The following RAPH1 variants were observed in gnomAD, a reference collection of about 807,000 sequenced individuals.
The protein encoded by RAPH1 is ras-associated and pleckstrin homology domains-containing protein 1.
In RAPH1, 18 loss-of-function variants were observed where a neutral mutation model predicts 88.1. The observed-to-expected ratio is 0.20, with a 90% CI of 0.14 to 0.30. The LOEUF is 0.30. Ranked by LOEUF, RAPH1 falls within the 10% of genes least tolerant of loss-of-function variation. The pLI, the probability that RAPH1 is intolerant of heterozygous loss-of-function variation, is 1.00. For synonymous variants in RAPH1, 587 were observed against 559.0 expected (o/e 1.05, Z -0.71); for missense variants, 1,448 against 1,543.2 (o/e 0.94, Z 1.03).
At chr2:203,510,266 G>T (rs1247862983) in intron 1 of RAPH1, among the ~76,000 whole-genome samples, 1 of 144,154 alleles carries the variant, frequency 6.9e-6, no homozygotes. Flanking sequence ...AACCTGGGAG[G>T]CAGAGGTTGC....
rs751920585 is a variant in RAPH1 at position 203,461,374 on chromosome 2, G to C, written c.845C>G (p.Ser282Cys). Residue 282 changes from serine to cysteine, a missense_variant, in exon 6 of 14, where the codon TCT becomes TGT. Transcript: ENST00000319170. Reference protein sequence around the residue: ...VIRVHMSDDSSKTMMVDERQT... With the variant: ...VIRVHMSDDSCKTMMVDERQT... ...CCTCTCATCCACCATCATTGTTTTAGAACTGTCATCAGACATGTGGACTCT... is the reference window on the plus strand; with the variant it reads ...CCTCTCATCCACCATCATTGTTTTACAACTGTCATCAGACATGTGGACTCT... 3 of 1,609,212 alleles carry C rather than the reference G, an allele frequency of 1.9e-6. No individual in the cohort carries two copies. In the South Asian group the frequency reaches 3.3e-5, roughly 18 times the overall value.
intron 7 of RAPH1, among the ~76,000 whole-genome samples, chr2:203,458,871 T>C (rs1465523943): frequency 6.6e-6 from 1 of 152,000 alleles, no homozygotes; most frequent in African/African-American, 2.4e-5. Context: ...CACACCATTC[T>C]CCTGCCTCAG....
chr2:203,494,891 A>G (rs916287518), intron 2 of RAPH1, among the ~76,000 whole-genome samples: 1 of 152,058 alleles, frequency 6.6e-6, no homozygotes, highest in Non-Finnish European at 1.5e-5. Flanking sequence ...AATGTATTCA[A>G]ATTTACTAAG....
chr2:203,462,468 CATT>C (rs1281701816), intron 4 of RAPH1, among the ~76,000 whole-genome samples: 9 of 152,304 alleles, frequency 5.9e-5, no homozygotes, highest in African/African-American at 1.4e-4. Context: ...GGTACAATCT[CATT>C]AGTATACCAA....
chr2:203,493,667 T>C (rs1310956167), intron 2 of RAPH1, among the ~76,000 whole-genome samples: 2 of 152,110 alleles, frequency 1.3e-5, no homozygotes, highest in Non-Finnish European at 2.9e-5. Context: ...GAAATCCTAG[T>C]AGGAGTTGAA....
At chr2:203,483,694 G>T (rs917813813) in intron 4 of RAPH1, among the ~76,000 whole-genome samples, 6 of 152,184 alleles carry the variant, frequency 3.9e-5, no homozygotes, top group Non-Finnish European at 7.4e-5. Flanking sequence ...GAGTGGGGAA[G>T]ATCCATCCTC....
chr2:203,441,632 C>T (rs2098504279), intron 13 of RAPH1: 10 of 1,343,122 alleles, frequency 7.4e-6, no homozygotes, highest in Middle Eastern at 2.7e-4. Flanking sequence ...TTTTACCCCA[C>T]AGTAAAATAG....
At chr2:203,462,698 C>G (rs2098525107) in intron 4 of RAPH1, among the ~76,000 whole-genome samples, 1 of 152,068 alleles carries the variant, frequency 6.6e-6, no homozygotes, top group Admixed American at 6.5e-5. Context: ...AAAATTATAA[C>G]TAAAAATATA....
intron 1 of RAPH1, among the ~76,000 whole-genome samples, chr2:203,522,285 C>T (rs1689911958): frequency 6.6e-6 from 1 of 152,086 alleles, no homozygotes; most frequent in East Asian, 1.9e-4. Context: ...TACCAAATCT[C>T]GATTTATATC....
At chr2:203,476,594 G>C (rs1007230642) in intron 4 of RAPH1, among the ~76,000 whole-genome samples, 9 of 152,124 alleles carry the variant, frequency 5.9e-5, no homozygotes, top group African/African-American at 1.7e-4. Flanking sequence ...CGTGGCTAGT[G>C]GCTACCGTAT....
Position 203,434,249 on chromosome 2 carries a change from T to C in RAPH1, c.*5188A>G, listed in dbSNP as rs1380634991. 2.0e-5 allele frequency: 3 copies of C among 152,574 alleles called. No individual in the cohort carries two copies. Among genetic ancestry groups the C allele is most frequent in the African/African-American group, 7.2e-5 (3 of 41,424 alleles). 9.5% of individuals were successfully genotyped at this position (152,574 alleles called of 1,614,324 possible). A position where few individuals can be genotyped will look rare whatever the true frequency, so the allele number is the denominator to read the frequency against. On this transcript the variant is annotated 3_prime_UTR_variant, in exon 14 of 14. Transcript: ENST00000319170. Reference sequence around the variant, plus strand: ...ACCTGGTACATTATAATGAAGTTCCTTGTCTTCTTCATGCTTTAAAAAAGT... The same window carrying C: ...ACCTGGTACATTATAATGAAGTTCCCTGTCTTCTTCATGCTTTAAAAAAGT...
At chr2:203,471,747 G>A (rs974704102) in intron 4 of RAPH1, among the ~76,000 whole-genome samples, 4 of 151,600 alleles carry the variant, frequency 2.6e-5, no homozygotes, top group Non-Finnish European at 5.9e-5. Context: ...TTTATTGTCT[G>A]CATTTTTAAA....
intron 1 of RAPH1, among the ~76,000 whole-genome samples, chr2:203,502,333 T>C (rs1209387064): frequency 6.6e-6 from 1 of 152,224 alleles, no homozygotes; most frequent in African/African-American, 2.4e-5. Flanking sequence ...TACACCCTTA[T>C]GCCATCTCTT....
At position 203,489,987 on chromosome 2, in the gene RAPH1, C is replaced by G. The variant is rs767619139; in HGVS notation, c.329G>C (p.Arg110Pro). 6 of 1,614,066 alleles carry G rather than the reference C, an allele frequency of 3.7e-6. No homozygotes were observed. In the African/African-American group the frequency reaches 5.3e-5, roughly 14 times the overall value. ...LSSIGSGNSKRQITETKATQK... is the reference protein window; with the variant it reads ...LSSIGSGNSKPQITETKATQK... ...AGTAGCTTTCGTTTCTGTGATTTGA[C>G]GCTTACTGTTTCCTGAACCAATGCT... The change falls in exon 4 of 14, where the codon CGT becomes CCT. Residue 110 changes from arginine to proline, a missense_variant. By Grantham distance (103) the Arg-to-Pro change is moderately radical. Coordinates refer to ENST00000319170, the MANE Select transcript of RAPH1 (RefSeq NM_213589.3).
chr2:203,482,017 A>AAAC (rs1553625696), intron 4 of RAPH1, among the ~76,000 whole-genome samples: 1 of 151,320 alleles, frequency 6.6e-6, no homozygotes, highest in Non-Finnish European at 1.5e-5. Flanking sequence ...AGAAAAAAAA[A>AAAC]ACACACACAC....
intron 2 of RAPH1, among the ~76,000 whole-genome samples, chr2:203,493,096 A>ACTTTAC (rs1688346310): frequency 6.6e-6 from 1 of 152,230 alleles, no homozygotes; most frequent in Non-Finnish European, 1.5e-5. Context: ...ACATCTCTTG[A>ACTTTAC]AAATGTCCCA....
chr2:203,506,890 A>T lies in RAPH1; in HGVS notation c.1-11537T>A, dbSNP rs1278820248. 7.8e-4 allele frequency among the ~76,000 whole-genome samples: 81 copies of T among 103,278 alleles called. 5 individuals carry two copies. Among genetic ancestry groups the T allele is most frequent in the African/African-American group, 3.5e-3 (65 of 18,774 alleles). 67.8% of individuals were successfully genotyped at this position (103,278 alleles called of 152,430 possible). A position where few individuals can be genotyped will look rare whatever the true frequency, so the allele number is the denominator to read the frequency against. On this transcript the variant is annotated intron_variant, in intron 1 of 13. Coordinates refer to ENST00000319170, the MANE Select transcript of RAPH1 (RefSeq NM_213589.3). Reference sequence around the variant, plus strand: ...TATATATATATATATAGATATATATATATATATATTTTTTTTTTTTTTGAG... The same window carrying T: ...TATATATATATATATAGATATATATTTATATATATTTTTTTTTTTTTTGAG...
At chr2:203,501,317 G>A (rs1395585483) in intron 1 of RAPH1, among the ~76,000 whole-genome samples, 2 of 152,166 alleles carry the variant, frequency 1.3e-5, no homozygotes, top group East Asian at 1.9e-4. Context: ...TATCAGATGG[G>A]GCAGTGCCTG....
Position 203,495,340 on chromosome 2 carries a change from G to A in RAPH1, c.14C>T (p.Ser5Leu). The change falls in exon 2 of 14, where the codon TCA becomes TTA. Residue 5 changes from serine (S) to leucine (L), a missense_variant. Transcript: ENST00000319170. MEQL[S>L]DEEIDHGAEE... ...AGCACCATGATCAATTTCTTCATCTGATAGCTGCTCCATCTGAAATACAGA... is the reference window on the plus strand; with the variant it reads ...AGCACCATGATCAATTTCTTCATCTAATAGCTGCTCCATCTGAAATACAGA... The A allele has an allele frequency of 6.2e-7, 1 of 1,613,926 alleles. No individual in the cohort carries two copies. The highest frequency in any genetic ancestry group is 1.3e-5 in the African/African-American group (1 of 75,026).
Sources: allele counts gnomAD v4.1 joint callset (sites outside exome capture counted in the v4.1 genomes callset), GRCh38; gene constraint gnomAD v4.1.1; transcripts MANE v1.5; gene names NCBI Gene and HGNC (gene_info 2026-07-23, HGNC 2026-07-21).